SPAG9: variants seen among roughly 807,000 people sequenced by gnomAD.
The protein encoded by SPAG9 is sperm associated antigen 9.
In SPAG9, 35 loss-of-function variants were observed where a neutral mutation model predicts 166.5. That is an observed-to-expected ratio of 0.21 (90% confidence interval 0.16 to 0.28). The LOEUF (loss-of-function observed/expected upper bound fraction) is 0.28. Ranked by LOEUF, SPAG9 falls within the 10% of genes least tolerant of loss-of-function variation. SPAG9 has a pLI of 1.00. For synonymous variants in SPAG9, 534 were observed against 565.5 expected, an observed-to-expected ratio of 0.94 and a Z score of 0.79; for missense variants, 1,235 against 1,603.3, an observed-to-expected ratio of 0.77 and a Z score of 3.92.
chr17:51,049,090 C>T (rs2047110255), intron 3 of SPAG9, among the ~76,000 whole-genome samples: 1 of 152,096 alleles, frequency 6.6e-6, no homozygotes, highest in Non-Finnish European at 1.5e-5. Context: ...TTTAGAAGGC[C>T]TAAATTAAGG....
intron 6 of SPAG9, among the ~76,000 whole-genome samples, chr17:51,025,119 G>A (rs1184550333): frequency 1.3e-5 from 2 of 151,532 alleles, no homozygotes; most frequent in Non-Finnish European, 2.9e-5. Flanking sequence ...AGGAGTTCCA[G>A]ACCAGCTTGG....
chr17:50,999,123 C>T (rs972843583), intron 14 of SPAG9, among the ~76,000 whole-genome samples: 3 of 152,110 alleles, frequency 2.0e-5, no homozygotes, highest in South Asian at 4.1e-4. Context: ...CAACTACTTT[C>T]GGGTCTATTT....
At position 50,964,132 on chromosome 17, in the gene SPAG9, T is replaced by C. The variant is rs1477985758; in HGVS notation, c.*2140A>G. 6.6e-6 allele frequency: 1 copy of C among 151,388 alleles called. No individual in the cohort carries two copies. Among genetic ancestry groups the C allele is most frequent in the Non-Finnish European group, 1.5e-5 (1 of 68,016 alleles). 9.4% of individuals were successfully genotyped at this position (151,388 alleles called of 1,614,324 possible). On this transcript the variant is annotated 3_prime_UTR_variant, in exon 30 of 30. Coordinates refer to ENST00000262013, the MANE Select transcript of SPAG9 (RefSeq NM_001130528.3). Reference sequence around the variant, plus strand: ...GCCACTGGTATACTTTTTACAGACATCTTTGTATAATAGTCCAGAAAAAAA... The same window carrying C: ...GCCACTGGTATACTTTTTACAGACACCTTTGTATAATAGTCCAGAAAAAAA...
At chr17:51,037,685 A>ATATATATATATATAGTGTGT in intron 5 of SPAG9, among the ~76,000 whole-genome samples, 2 of 83,488 alleles carry the variant, frequency 2.4e-5, no homozygotes, top group African/African-American at 7.8e-5. Flanking sequence ...ATATATATAT[A>ATATATATATATATAGTGTGT]GTGTGTGTGT....
intron 21 of SPAG9, chr17:50,989,458 A>T: frequency 1.7e-6 from 1 of 571,466 alleles, no homozygotes; most frequent in Non-Finnish European, 3.1e-6. Flanking sequence ...TATAGATAAG[A>T]TTTTTTTTTT....
intron 5 of SPAG9, among the ~76,000 whole-genome samples, chr17:51,033,640 C>T (rs2046470555): frequency 6.6e-6 from 1 of 152,236 alleles, no homozygotes; most frequent in African/African-American, 2.4e-5. Flanking sequence ...GCAGTCTTCT[C>T]ACCTCAGCCT....
At chr17:51,075,576 GCATTTGGGGGGC>G (rs2047947362) in intron 2 of SPAG9, among the ~76,000 whole-genome samples, 5 of 152,160 alleles carry the variant, frequency 3.3e-5, no homozygotes, top group Admixed American at 6.5e-5. Flanking sequence ...TGTAATCCCA[GCATTTGGGGGGC>G]CAAGGTGCAA....
At chr17:50,991,194 G>A (rs908177771) in intron 19 of SPAG9, among the ~76,000 whole-genome samples, 3 of 151,978 alleles carry the variant, frequency 2.0e-5, no homozygotes, top group African/African-American at 7.2e-5. Flanking sequence ...GAGCCACCAC[G>A]CCTAGCCAGC....
At chr17:51,006,954 G>C (rs1836658521) in intron 10 of SPAG9, among the ~76,000 whole-genome samples, 1 of 152,100 alleles carries the variant, frequency 6.6e-6, no homozygotes, top group African/African-American at 2.4e-5. Flanking sequence ...AATGTTAAGG[G>C]AGGGAGCAAA....
At chr17:51,037,242 T>C (rs745825625) in intron 5 of SPAG9, among the ~76,000 whole-genome samples, 7 of 152,118 alleles carry the variant, frequency 4.6e-5, no homozygotes, top group Non-Finnish European at 8.8e-5. Context: ...TAGCAGTGAC[T>C]AGAGGCGCAC....
intron 9 of SPAG9, 58 bp from the exon 10 acceptor site, chr17:51,007,384 T>A: frequency 2.2e-6 from 2 of 894,004 alleles, no homozygotes; most frequent in Non-Finnish European, 3.4e-6. Context: ...ATTATATACA[T>A]TTAAAATATA....
rs1468087109 is a variant in SPAG9 at position 50,993,857 on chromosome 17, T to C, written c.2305A>G (p.Lys769Glu). Residue 769 changes from lysine to glutamate, a missense_variant, in exon 19 of 30, where the codon AAA becomes GAA. Coordinates refer to ENST00000262013, the MANE Select transcript of SPAG9 (RefSeq NM_001130528.3). ...TGAACAGCATCAATAATAAGAACTT[T>C]TGTAGCCGAATGAGTGCTGGTACAG... ...WICTSTHSAT[K>E]VLIIDAVQPG... The C allele has an allele frequency of 1.2e-6, 2 of 1,614,190 alleles. No homozygotes were observed. Among genetic ancestry groups the C allele is most frequent in the Admixed American group, 1.7e-5 (1 of 60,028 alleles).
chr17:50,989,241 TTATC>T (rs1351329342), intron 21 of SPAG9, among the ~76,000 whole-genome samples: 5 of 152,252 alleles, frequency 3.3e-5, no homozygotes, highest in African/African-American at 1.2e-4. Context: ...TATGTTCCAA[TTATC>T]TACAGTATTC....
chr17:51,099,628 C>A lies in SPAG9; in HGVS notation c.304-19924G>T, dbSNP rs75673416. Among the ~76,000 whole-genome samples the A allele has an allele frequency of 9.0e-3, 1,359 of 151,688 alleles. 24 individuals are homozygous for A. The highest frequency in any genetic ancestry group is 0.032 in the African/African-American group (1,308 of 41,444). Reference sequence around the variant, plus strand: ...AAGTGATGCCTTACTAACTTTGTTACACAGTTATGTGCTTCTGTAGGTATA... The same window carrying A: ...AAGTGATGCCTTACTAACTTTGTTAAACAGTTATGTGCTTCTGTAGGTATA... On this transcript the variant is annotated intron_variant, in intron 1 of 29. Transcript: ENST00000262013.
intron 2 of SPAG9, among the ~76,000 whole-genome samples, chr17:51,065,812 C>T (rs1461838265): frequency 6.6e-6 from 1 of 152,192 alleles, no homozygotes. Context: ...AAACCCTCCA[C>T]ACACGATGCT....
chr17:51,007,246 G>T (rs765051833), intron 10 of SPAG9, 23 bp downstream of exon 10: 37 of 1,380,992 alleles, frequency 2.7e-5, no homozygotes, highest in Non-Finnish European at 3.2e-5. Context: ...TTTATCTTCT[G>T]TTAAAATTTC....
At chr17:50,994,755 G>T (rs572581301) in intron 18 of SPAG9, among the ~76,000 whole-genome samples, 5 of 152,164 alleles carry the variant, frequency 3.3e-5, no homozygotes, top group Non-Finnish European at 7.4e-5. Flanking sequence ...TCTCTAAACA[G>T]CAACACAAAA....
At chr17:51,081,091 C>T (rs2048151149) in intron 1 of SPAG9, among the ~76,000 whole-genome samples, 1 of 152,020 alleles carries the variant, frequency 6.6e-6, no homozygotes, top group Non-Finnish European at 1.5e-5. Context: ...CAGATCTGAC[C>T]GCTTTTCATC....
intron 1 of SPAG9, among the ~76,000 whole-genome samples, chr17:51,104,690 T>G (rs2048893213): frequency 6.6e-6 from 1 of 151,644 alleles, no homozygotes; most frequent in Admixed American, 6.6e-5. Flanking sequence ...TCCCAGCACT[T>G]TGGAAGGCCG....
Sources: gnomAD v4.1 joint callset for allele counts (sites outside exome capture counted in the v4.1 genomes callset) on GRCh38, gnomAD v4.1.1 for gene constraint, MANE v1.5 for transcripts, NCBI Gene and HGNC (gene_info 2026-07-23, HGNC 2026-07-21) for gene names.